Variants in CACNA1E observed in about 807,000 individuals in gnomAD.
The protein encoded by CACNA1E is voltage-dependent R-type calcium channel subunit alpha-1E.
In CACNA1E, 40 loss-of-function variants were observed where a neutral mutation model predicts 259.2. The observed-to-expected ratio is 0.15, with a 90% CI of 0.12 to 0.20. The LOEUF is 0.20. Ranked by LOEUF, CACNA1E falls within the 10% of genes least tolerant of loss-of-function variation. The pLI, the probability that CACNA1E is intolerant of heterozygous loss-of-function variation, is 1.00. For missense variants in CACNA1E, 1,874 were observed against 3,040.1 expected, an observed-to-expected ratio of 0.62 and a Z score of 9.02; for synonymous variants, 1,104 against 1,138.5, an observed-to-expected ratio of 0.97 and a Z score of 0.61.
chr1:181,534,970 G>C lies in CACNA1E; in HGVS notation c.512+23460G>C, dbSNP rs550738900. Among the ~76,000 whole-genome samples, 41 of 152,074 alleles carry C rather than the reference G, an allele frequency of 2.7e-4. No individual in the cohort carries two copies. The South Asian group carries it at 6.7e-3, about 25-fold the overall frequency. ...TTGAAAATAGAGGAGGTGGCAAAAG[G>C]TGTTCTAGACAAATGCCAACCAAAA... On this transcript the variant is annotated intron_variant, in intron 3 of 47. Transcript: ENST00000367573.
intron 42 of CACNA1E, 34 bp from the exon 43 acceptor site, chr1:181,785,679 A>C: frequency 5.1e-6 from 7 of 1,378,516 alleles, no homozygotes; most frequent in Non-Finnish European, 7.2e-6. Context: ...TAGTCATTGG[A>C]ATTCTTTCCT....
intron 1 of CACNA1E, among the ~76,000 whole-genome samples, chr1:181,325,566 G>T (rs769040449): frequency 6.6e-6 from 1 of 152,242 alleles, no homozygotes; most frequent in Non-Finnish European, 1.5e-5. Flanking sequence ...TCTCATGCAC[G>T]TTAGTTTGGG....
chr1:181,738,471 T>C lies in CACNA1E; in HGVS notation c.3612+45T>C, dbSNP rs748637865. 1.4e-5 allele frequency: 20 copies of C among 1,466,642 alleles called. No individual in the cohort carries two copies. In the African/African-American group the frequency reaches 1.8e-4, roughly 13 times the overall value. The allele number at this position is 1,466,642 out of a possible 1,614,324, so 90.9% of individuals were successfully genotyped here. On this transcript the variant is annotated intron_variant, in intron 24 of 47. Transcript: ENST00000367573. ...ACCTGGGCTCTTGGGTTTAGATGGG[T>C]CACCTGTCTGCTCCTTAGGCTAGAG...
In CACNA1E at chr1:181,587,525, CAA is replaced by C. The variant is rs577733461; in HGVS notation, c.951+6751_951+6752del. Among the ~76,000 whole-genome samples, 28 of 152,240 alleles carry C rather than the reference CAA, an allele frequency of 1.8e-4. No homozygotes were observed. In the South Asian group the frequency reaches 5.6e-3, roughly 30 times the overall value. The stretch of plus-strand genomic sequence containing the variant: ...CATGGAATTTGAGCTGGATAAAGAG[CAA>C]AGAGGTGGCGGAGAAACCGTGAAAA... On this transcript the variant is annotated intron_variant, in intron 6 of 47. Coordinates refer to ENST00000367573, the MANE Select transcript of CACNA1E (RefSeq NM_001205293.3).
intron 2 of CACNA1E, among the ~76,000 whole-genome samples, chr1:181,451,862 A>G (rs1661177812): frequency 6.6e-6 from 1 of 152,186 alleles, no homozygotes; most frequent in Admixed American, 6.5e-5. Context: ...TGGGGAGCCA[A>G]TAATGTATTT....
chr1:181,681,316 T>TTGAAGTA (rs1649947981), intron 7 of CACNA1E, among the ~76,000 whole-genome samples: 1 of 152,224 alleles, frequency 6.6e-6, no homozygotes, highest in African/African-American at 2.4e-5. Context: ...ATGAAGTACT[T>TTGAAGTA]CAAGCTTAGC....
At chr1:181,746,048 C>T (rs1333720030) in intron 25 of CACNA1E, among the ~76,000 whole-genome samples, 1 of 152,194 alleles carries the variant, frequency 6.6e-6, no homozygotes, top group Non-Finnish European at 1.5e-5. Context: ...AGAGCTAGTG[C>T]TCTGGTCACA....
At chr1:181,419,876 G>T (rs1658595180) in intron 2 of CACNA1E, among the ~76,000 whole-genome samples, 1 of 152,206 alleles carries the variant, frequency 6.6e-6, no homozygotes, top group African/African-American at 2.4e-5. Flanking sequence ...CTTCAGGGCT[G>T]CCCAGGATCT....
At chr1:181,620,835 C>T (rs562693015) in intron 6 of CACNA1E, among the ~76,000 whole-genome samples, 24 of 152,154 alleles carry the variant, frequency 1.6e-4, no homozygotes, top group African/African-American at 5.5e-4. Context: ...CTTGAGCTGA[C>T]CTTTGAGGAG....
Position 181,633,021 on chromosome 1 carries a change from T to G in CACNA1E, c.952-18317T>G, listed in dbSNP as rs12563728. On this transcript the variant is annotated intron_variant, in intron 6 of 47. Transcript: ENST00000367573. ...GTATGATATAGGTACTATCTTAGGT[T>G]GGTTTCCCTGGAAGTCAGCTCTGCA... Among the ~76,000 whole-genome samples the G allele has an allele frequency of 5.6e-3, 855 of 152,224 alleles. 19 individuals are homozygous for G. The East Asian group carries it at 0.064, about 11-fold the overall frequency.
intron 1 of CACNA1E, among the ~76,000 whole-genome samples, chr1:181,342,107 G>A (rs985002289): frequency 2.0e-5 from 3 of 152,116 alleles, no homozygotes; most frequent in Non-Finnish European, 4.4e-5. Flanking sequence ...TGGTAAGAAG[G>A]GGCCAACTAT....
chr1:181,720,170 A>G (rs764608071), intron 13 of CACNA1E, 36 bp from the exon 14 acceptor site: 1 of 1,612,842 alleles, frequency 6.2e-7, no homozygotes, highest in Non-Finnish European at 8.5e-7. Context: ...CTTGGTATGC[A>G]GTGTTCACAG....
intron 7 of CACNA1E, among the ~76,000 whole-genome samples, chr1:181,708,022 T>G (rs905330235): frequency 2.0e-5 from 3 of 152,096 alleles, no homozygotes; most frequent in African/African-American, 7.2e-5. Flanking sequence ...AGAGGCAACA[T>G]TTCAGCCTGG....
At chr1:181,331,045 G>A (rs185696747) in intron 1 of CACNA1E, among the ~76,000 whole-genome samples, 8 of 152,248 alleles carry the variant, frequency 5.3e-5, no homozygotes, top group African/African-American at 1.9e-4. Context: ...TTAATCTGCT[G>A]TCTTATGGCA....
chr1:181,727,376 G>A (rs542141360), intron 18 of CACNA1E, among the ~76,000 whole-genome samples: 14 of 152,346 alleles, frequency 9.2e-5, no homozygotes, highest in South Asian at 4.1e-4. Flanking sequence ...GGGTGCCGGT[G>A]CTACATACTG....
intron 2 of CACNA1E, among the ~76,000 whole-genome samples, chr1:181,444,838 G>T (rs1027024712): frequency 6.6e-6 from 1 of 152,056 alleles, no homozygotes; most frequent in Non-Finnish European, 1.5e-5. Context: ...TGAGTGCTCC[G>T]TAGACAACTT....
intron 6 of CACNA1E, among the ~76,000 whole-genome samples, chr1:181,601,079 G>A (rs1023530101): frequency 6.6e-6 from 1 of 152,070 alleles, no homozygotes; most frequent in Admixed American, 6.6e-5. Context: ...TATGACAGGG[G>A]CTACTTTGCC....
intron 6 of CACNA1E, among the ~76,000 whole-genome samples, chr1:181,632,271 A>G (rs188183309): frequency 1.1e-3 from 160 of 152,100 alleles, no homozygotes; most frequent in Non-Finnish European, 1.7e-3. Flanking sequence ...CTTTTCTTGT[A>G]TCCGTACATT....
At chr1:181,660,809 C>A (rs1043644604) in intron 7 of CACNA1E, among the ~76,000 whole-genome samples, 3 of 152,158 alleles carry the variant, frequency 2.0e-5, no homozygotes, top group African/African-American at 7.2e-5. Context: ...GACTGGCTAA[C>A]ATAAGGGAGA....
Sources: gnomAD v4.1 joint callset for allele counts (sites outside exome capture counted in the v4.1 genomes callset) on GRCh38, gnomAD v4.1.1 for gene constraint, MANE v1.5 for transcripts, NCBI Gene and HGNC (gene_info 2026-07-23, HGNC 2026-07-21) for gene names.